PCDH15: variants seen among roughly 807,000 people sequenced by gnomAD.
The protein encoded by PCDH15 is protocadherin-15.
Under a neutral mutation model 178.5 loss-of-function variants are expected in PCDH15, and 129 were observed. The ratio of observed to expected loss-of-function variants is 0.72; its 90% confidence interval spans 0.63 to 0.84. PCDH15 has a LOEUF of 0.84. Among genes scored for constraint, PCDH15 ranks in the 40% least tolerant of loss-of-function variants. The pLI is 0.00. For missense variants in PCDH15, 2,230 were observed against 2,099.9 expected (o/e 1.06, Z -1.21); for synonymous variants, 800 against 732.0 (o/e 1.09, Z -1.50).
chr10:53,826,287 A>G (rs2076674108), intron 32 of PCDH15, among the ~76,000 whole-genome samples: 1 of 152,040 alleles, frequency 6.6e-6, no homozygotes, highest in African/African-American at 2.4e-5. Flanking sequence ...TTAAAATAAT[A>G]GCATTAAGAT....
chr10:53,869,712 C>T (rs2079697215), intron 26 of PCDH15, among the ~76,000 whole-genome samples: 1 of 151,916 alleles, frequency 6.6e-6, no homozygotes, highest in Admixed American at 6.6e-5. Flanking sequence ...GAGGCTAAGG[C>T]TGGAGGATCA....
chr10:55,206,600 T>G (rs1288732081), intron 1 of PCDH15, among the ~76,000 whole-genome samples: 1 of 152,256 alleles, frequency 6.6e-6, no homozygotes, highest in East Asian at 1.9e-4. Context: ...CTCTTCACAA[T>G]TAACATCACA....
chr10:54,581,651 A>T (rs2091050022), intron 2 of PCDH15, among the ~76,000 whole-genome samples: 1 of 152,130 alleles, frequency 6.6e-6, no homozygotes, highest in Non-Finnish European at 1.5e-5. Context: ...AGCCAGAGGC[A>T]TCATATTATC....
At chr10:54,596,148 G>C (rs1301852688) in intron 2 of PCDH15, among the ~76,000 whole-genome samples, 1 of 151,942 alleles carries the variant, frequency 6.6e-6, no homozygotes, top group Admixed American at 6.6e-5. Context: ...TCATCCCCAA[G>C]ATACATAATT....
chr10:55,151,184 A>G (rs1194737446), intron 2 of PCDH15, among the ~76,000 whole-genome samples: 1 of 152,102 alleles, frequency 6.6e-6, no homozygotes, highest in Non-Finnish European at 1.5e-5. Flanking sequence ...TATCTGGCAG[A>G]GAGTAATTTC....
At chr10:54,776,777 C>T (rs1949753340) in intron 1 of PCDH15, among the ~76,000 whole-genome samples, 1 of 152,056 alleles carries the variant, frequency 6.6e-6, no homozygotes, top group Non-Finnish European at 1.5e-5. Flanking sequence ...TTATTGTTGG[C>T]TTCATATGTC....
intron 5 of PCDH15, among the ~76,000 whole-genome samples, chr10:54,364,388 AT>A (rs1254233934): frequency 2.0e-5 from 3 of 151,810 alleles, no homozygotes; most frequent in Admixed American, 6.6e-5. Flanking sequence ...GTATTTATTG[AT>A]TTTAAGCTCA....
At chr10:55,088,649 T>C (rs958760498) in intron 2 of PCDH15, among the ~76,000 whole-genome samples, 3 of 152,132 alleles carry the variant, frequency 2.0e-5, no homozygotes, top group Admixed American at 6.6e-5. Context: ...AAAAGAGCAA[T>C]GTACAGGTAG....
At chr10:54,711,380 C>A (rs1242543092) in intron 1 of PCDH15, among the ~76,000 whole-genome samples, 1 of 151,862 alleles carries the variant, frequency 6.6e-6, no homozygotes, top group Non-Finnish European at 1.5e-5. Context: ...TTTAATCTGA[C>A]AAACATGAAC....
At chr10:54,794,622 CA>C (rs1419066604) in intron 1 of PCDH15, among the ~76,000 whole-genome samples, 3 of 151,764 alleles carry the variant, frequency 2.0e-5, no homozygotes, top group Non-Finnish European at 4.4e-5. Context: ...GGGCTTCATG[CA>C]CACACATTCA....
chr10:53,989,923 C>T (rs962048617), intron 21 of PCDH15, among the ~76,000 whole-genome samples: 3 of 152,130 alleles, frequency 2.0e-5, no homozygotes, highest in Admixed American at 1.3e-4. Context: ...AATTTTATAA[C>T]ACTCTTGGTC....
At chr10:54,979,039 T>A (rs984449355) in intron 2 of PCDH15, among the ~76,000 whole-genome samples, 1 of 152,182 alleles carries the variant, frequency 6.6e-6, no homozygotes, top group Non-Finnish European at 1.5e-5. Context: ...ATGTAAATAT[T>A]ATTTATCAAT....
intron 15 of PCDH15, among the ~76,000 whole-genome samples, chr10:54,114,978 A>T (rs2095088266): frequency 6.6e-6 from 1 of 152,176 alleles, no homozygotes; most frequent in African/African-American, 2.4e-5. Context: ...CATTTTAGGT[A>T]ATTTTTTTAA....
At chr10:54,197,997 A>G (rs932113794) in intron 10 of PCDH15, among the ~76,000 whole-genome samples, 3 of 152,146 alleles carry the variant, frequency 2.0e-5, no homozygotes, top group African/African-American at 4.8e-5. Context: ...TACCTTATGC[A>G]TTTAACTTTT....
Position 53,804,057 on chromosome 10 carries a change from CTATT to C in PCDH15, c.*2518_*2521del, listed in dbSNP as rs1294467198. 3 of 151,930 alleles carry C rather than the reference CTATT, an allele frequency of 2.0e-5. No homozygotes were observed. The highest frequency in any genetic ancestry group is 2.1e-4 in the South Asian group (1 of 4,832). The allele number at this position is 151,930 out of a possible 1,614,324, so 9.4% of individuals were successfully genotyped here. Reference sequence around the variant, plus strand: ...ACTAGTGAAAGTTCTATGAAAGTAACTATTTAATTGATCCAGATTTATTTAGTTA... The same window carrying C: ...ACTAGTGAAAGTTCTATGAAAGTAACTAATTGATCCAGATTTATTTAGTTA... On this transcript the variant is annotated 3_prime_UTR_variant, in exon 38 of 38. Transcript: ENST00000644397.
chr10:55,295,256 C>T (rs919666523), intron 1 of PCDH15, among the ~76,000 whole-genome samples: 1 of 152,132 alleles, frequency 6.6e-6, no homozygotes, highest in African/African-American at 2.4e-5. Context: ...AAAAGTATTT[C>T]AGGTTTAAAA....
At chr10:55,183,151 T>C (rs886995028) in intron 1 of PCDH15, among the ~76,000 whole-genome samples, 4 of 152,056 alleles carry the variant, frequency 2.6e-5, no homozygotes, top group African/African-American at 7.2e-5. Context: ...AATGTCAAAA[T>C]CTATTCAGTT....
intron 2 of PCDH15, among the ~76,000 whole-genome samples, chr10:55,580,427 G>C (rs890537133): frequency 2.1e-5 from 3 of 144,540 alleles, no homozygotes; most frequent in Non-Finnish European, 4.5e-5. Flanking sequence ...ACATGATCTC[G>C]GCTCACTGCA....
chr10:54,234,132 CTGTGTGTGTGTG>C (rs35466519), intron 9 of PCDH15, among the ~76,000 whole-genome samples: 14 of 138,544 alleles, frequency 1.0e-4, no homozygotes, highest in East Asian at 6.7e-4. Context: ...ATATCCCCTT[CTGTGTGTGTGTG>C]TGTGTGTGTG....
Sources: allele counts gnomAD v4.1 joint callset (sites outside exome capture counted in the v4.1 genomes callset), GRCh38; gene constraint gnomAD v4.1.1; transcripts MANE v1.5; gene names NCBI Gene and HGNC (gene_info 2026-07-23, HGNC 2026-07-21).